KLHL29: variants seen among roughly 807,000 people sequenced by gnomAD.
KLHL29 encodes kelch-like protein 29.
In KLHL29, 21 loss-of-function variants were observed where a neutral mutation model predicts 80.4. The ratio of observed to expected loss-of-function variants is 0.26; its 90% CI spans 0.19 to 0.38. KLHL29 has a LOEUF of 0.38. Ranked by LOEUF, KLHL29 falls within the 10% of genes least tolerant of loss-of-function variation. KLHL29 has a pLI of 1.00. For synonymous variants in KLHL29, 511 were observed against 526.8 expected (o/e 0.97, Z 0.41); for missense variants, 867 against 1,223.9 (o/e 0.71, Z 4.35).
intron 2 of KLHL29, among the ~76,000 whole-genome samples, chr2:23,536,408 A>G (rs1310018354): frequency 2.6e-5 from 4 of 152,200 alleles, no homozygotes; most frequent in African/African-American, 9.6e-5. Context: ...GTAATTCAGA[A>G]TGATACCCGG....
chr2:23,519,353 C>G (rs1237381216), intron 2 of KLHL29, among the ~76,000 whole-genome samples: 1 of 152,028 alleles, frequency 6.6e-6, no homozygotes, highest in Non-Finnish European at 1.5e-5. Flanking sequence ...CCCTCCCACC[C>G]AGGCATTCTG....
At chr2:23,608,100 A>C (rs983365900) in intron 3 of KLHL29, among the ~76,000 whole-genome samples, 1 of 152,202 alleles carries the variant, frequency 6.6e-6, no homozygotes, top group Non-Finnish European at 1.5e-5. Context: ...TTGACCCAAA[A>C]TGTCACCTTT....
chr2:23,549,240 G>A (rs1488351176), intron 2 of KLHL29, among the ~76,000 whole-genome samples: 1 of 152,240 alleles, frequency 6.6e-6, no homozygotes, highest in African/African-American at 2.4e-5. Context: ...GCCCAGCGGG[G>A]GTGGAAGTGG....
intron 2 of KLHL29, chr2:23,507,169 A>G (rs944395170): frequency 1.2e-5 from 5 of 401,032 alleles, no homozygotes; most frequent in African/African-American, 1.0e-4. Flanking sequence ...ACTCCCGTGC[A>G]TGCCATCATA....
intron 2 of KLHL29, among the ~76,000 whole-genome samples, chr2:23,521,429 G>A (rs930210220): frequency 6.6e-6 from 1 of 152,210 alleles, no homozygotes; most frequent in Non-Finnish European, 1.5e-5. Flanking sequence ...TTCACACAGG[G>A]TTTCAGAGTC....
chr2:23,427,028 CTGA>C (rs1404387660), intron 1 of KLHL29, among the ~76,000 whole-genome samples: 3 of 152,220 alleles, frequency 2.0e-5, no homozygotes, highest in African/African-American at 4.8e-5. Flanking sequence ...GATTTGCTTA[CTGA>C]TACCCAGGCC....
intron 1 of KLHL29, among the ~76,000 whole-genome samples, chr2:23,424,867 C>T (rs1483552496): frequency 6.6e-6 from 1 of 152,188 alleles, no homozygotes; most frequent in Non-Finnish European, 1.5e-5. Flanking sequence ...TCCTTACGCT[C>T]AAAAATGCAC....
Position 23,457,982 on chromosome 2 carries a change from C to A in KLHL29, c.-153-17578C>A, listed in dbSNP as rs970515190. ...GAACTGAGATCACGCCACTGCACTC[C>A]AGCCTGGGCGACAGAGCGAGACTCT... is the stretch of plus-strand genomic sequence containing the variant. On this transcript the variant is annotated intron_variant, in intron 1 of 13. Coordinates refer to ENST00000486442, the MANE Select transcript of KLHL29 (RefSeq NM_052920.2). The surrounding 1 kb of genome is among the most constrained non-coding windows in gnomAD (Gnocchi z 4.3). 3.3e-5 allele frequency among the ~76,000 whole-genome samples: 5 copies of A among 152,038 alleles called. No individual in the cohort carries two copies. The highest frequency in any genetic ancestry group is 2.0e-4 in the Admixed American group (3 of 15,274).
chr2:23,499,453 T>G (rs1665367271), intron 2 of KLHL29, among the ~76,000 whole-genome samples: 1 of 152,216 alleles, frequency 6.6e-6, no homozygotes. Context: ...ACTTATGTTC[T>G]TGCTCCAGAG....
chr2:23,451,659 G>C (rs1663881693), intron 1 of KLHL29, among the ~76,000 whole-genome samples: 1 of 152,202 alleles, frequency 6.6e-6, no homozygotes, highest in Non-Finnish European at 1.5e-5. Context: ...GTGTCCTCCA[G>C]GTGGGAGACG....
intron 2 of KLHL29, among the ~76,000 whole-genome samples, chr2:23,533,194 AC>A (rs1238435655): frequency 6.6e-6 from 1 of 152,104 alleles, no homozygotes; most frequent in Non-Finnish European, 1.5e-5. Flanking sequence ...CAGCAGAGAA[AC>A]CATGCGTATG....
intron 1 of KLHL29, among the ~76,000 whole-genome samples, chr2:23,408,982 C>T (rs1666797826): frequency 6.6e-6 from 1 of 152,120 alleles, no homozygotes. Flanking sequence ...CACAGCTCTG[C>T]CTTGTTGGGG....
chr2:23,606,132 G>A lies in KLHL29; in HGVS notation c.286-33007G>A, dbSNP rs548897515. 2.0e-5 allele frequency among the ~76,000 whole-genome samples: 3 copies of A among 151,260 alleles called. No individual in the cohort carries two copies. The South Asian group carries it at 6.3e-4, about 32-fold the overall frequency. On this transcript the variant is annotated intron_variant, in intron 3 of 13. Coordinates refer to ENST00000486442, the MANE Select transcript of KLHL29 (RefSeq NM_052920.2). ...GAGTTTCAGGTGGGGGGATCATTCC[G>A]TGAGCTAGTGTGTGTGTGTGTGTAT...
chr2:23,633,863 C>T (rs1263774738), intron 3 of KLHL29, among the ~76,000 whole-genome samples: 2 of 151,926 alleles, frequency 1.3e-5, no homozygotes, highest in Non-Finnish European at 2.9e-5. Flanking sequence ...AGCCCCGTGG[C>T]CTGCATGTCC....
At chr2:23,577,730 T>G (rs975944543) in intron 3 of KLHL29, among the ~76,000 whole-genome samples, 1 of 149,100 alleles carries the variant, frequency 6.7e-6, no homozygotes, top group Non-Finnish European at 1.5e-5. Flanking sequence ...CCTGGGTGAC[T>G]AGAGCGAAAC....
At chr2:23,653,410 G>GC (rs1670139824) in intron 5 of KLHL29, among the ~76,000 whole-genome samples, 2 of 152,206 alleles carry the variant, frequency 1.3e-5, no homozygotes, top group Non-Finnish European at 1.5e-5. Flanking sequence ...ATCTGCATGG[G>GC]CCGCACTGGG....
At chr2:23,427,864 A>C (rs1663048107) in intron 1 of KLHL29, among the ~76,000 whole-genome samples, 1 of 152,158 alleles carries the variant, frequency 6.6e-6, no homozygotes, top group African/African-American at 2.4e-5. Flanking sequence ...TAAGTAAAAC[A>C]ATGTTGGGAG....
intron 5 of KLHL29, among the ~76,000 whole-genome samples, chr2:23,670,019 T>C (rs1410439003): frequency 6.6e-6 from 1 of 151,994 alleles, no homozygotes; most frequent in Non-Finnish European, 1.5e-5. Context: ...GCAGGGAGAA[T>C]TGAGCCAGAA....
chr2:23,486,394 C>A (rs955428880), intron 2 of KLHL29, among the ~76,000 whole-genome samples: 28 of 151,704 alleles, frequency 1.8e-4, no homozygotes, highest in African/African-American at 6.1e-4. Flanking sequence ...GGCTTTGAGA[C>A]CCAGAAGCAT....
Sources: allele counts gnomAD v4.1 joint callset (sites outside exome capture counted in the v4.1 genomes callset), GRCh38; gene constraint gnomAD v4.1.1; non-coding constraint Gnocchi (gnomAD v3.1); transcripts MANE v1.5; gene names NCBI Gene and HGNC (gene_info 2026-07-23, HGNC 2026-07-21).